Variants in HSD17B13 observed in about 807,000 individuals in gnomAD.
HSD17B13 encodes the protein 17-beta-hydroxysteroid dehydrogenase 13.
A neutral mutation model predicts 31.1 loss-of-function variants in HSD17B13; 26 were observed. The ratio of observed to expected loss-of-function variants is 0.84; its 90% confidence interval spans 0.61 to 1.16. The LOEUF is 1.16. Ranked by LOEUF, HSD17B13 falls within the 50% of genes most tolerant of loss-of-function variation. The pLI is 0.00. For synonymous variants in HSD17B13, 141 were observed against 133.7 expected (o/e 1.05, Z -0.38); for missense variants, 374 against 366.5 (o/e 1.02, Z -0.17).
chr4:87,308,948 T>A (rs10433937), intron 6 of HSD17B13, among the ~76,000 whole-genome samples: 1 of 101,732 alleles, frequency 9.8e-6, no homozygotes, highest in Non-Finnish European at 2.1e-5. Flanking sequence ...AAAAAAAGCT[T>A]ATCGAGTTTA....
In HSD17B13 at chr4:87,303,923, G is replaced by T. The variant is rs1734323211; in HGVS notation, c.*1295C>A. 1.3e-5 allele frequency: 2 copies of T among 151,930 alleles called. No individual in the cohort carries two copies. Among genetic ancestry groups the T allele is most frequent in the South Asian group, 4.2e-4 (2 of 4,812 alleles). 9.4% of individuals were successfully genotyped at this position (151,930 alleles called of 1,614,324 possible). On this transcript the variant is annotated 3_prime_UTR_variant, in exon 7 of 7. Transcript: ENST00000328546. ...CATTTGTTTTTAATAAAAACAAGAG[G>T]ATAGTCCATGCAAAAGCATTCTATA...
chr4:87,314,688 A>T (rs971402051), intron 4 of HSD17B13, among the ~76,000 whole-genome samples: 3 of 151,526 alleles, frequency 2.0e-5, no homozygotes, highest in African/African-American at 7.3e-5. Context: ...GCACAAGCAC[A>T]CTGTAAAATG....
chr4:87,311,284 A>C (rs1734525210), intron 5 of HSD17B13, among the ~76,000 whole-genome samples: 1 of 152,190 alleles, frequency 6.6e-6, no homozygotes, highest in African/African-American at 2.4e-5. Context: ...GGAGCAGCTC[A>C]AGCCATTCTT....
intron 5 of HSD17B13, among the ~76,000 whole-genome samples, chr4:87,312,610 A>C (rs1375216277): frequency 7.4e-5 from 10 of 134,278 alleles, no homozygotes; most frequent in African/African-American, 2.9e-5. Flanking sequence ...GCTCACTGCA[A>C]GCTCCGCCTC....
chr4:87,311,717 G>C (rs1734533218), intron 5 of HSD17B13, among the ~76,000 whole-genome samples: 1 of 152,148 alleles, frequency 6.6e-6, no homozygotes, highest in South Asian at 2.1e-4. Flanking sequence ...GTAAAGGCTG[G>C]GTGAGGAGTT....
intron 2 of HSD17B13, among the ~76,000 whole-genome samples, chr4:87,317,563 CTTTTTTTTTTT>C (rs869241617): frequency 2.8e-4 from 14 of 49,714 alleles, no homozygotes; most frequent in Non-Finnish European, 4.5e-4. Context: ...TTTCTTTAAA[CTTTTTTTTTTT>C]TTTTTTTTTT....
At chr4:87,318,094 C>T (rs1189352470) in intron 2 of HSD17B13, among the ~76,000 whole-genome samples, 1 of 152,134 alleles carries the variant, frequency 6.6e-6, no homozygotes, top group East Asian at 1.9e-4. Context: ...TGTGCCACTG[C>T]TCACACTTCT....
chr4:87,318,613 C>T (rs2110103857), intron 1 of HSD17B13, among the ~76,000 whole-genome samples, 177 bp from the exon 2 acceptor site: 1 of 148,996 alleles, frequency 6.7e-6, no homozygotes, highest in Middle Eastern at 3.7e-3. Context: ...GCCTGGCCAA[C>T]ATGGTGAAAC....
At chr4:87,313,001 G>A (rs1354202817) in intron 5 of HSD17B13, among the ~76,000 whole-genome samples, 2 of 151,748 alleles carry the variant, frequency 1.3e-5, no homozygotes, top group African/African-American at 4.8e-5. Context: ...CGGAGGTTGC[G>A]GTGAGCTGAG....
chr4:87,317,306 T>A, intron 2 of HSD17B13, 83 bp from the exon 3 acceptor site: 1 of 1,362,062 alleles, frequency 7.3e-7, no homozygotes, highest in East Asian at 2.4e-5. Flanking sequence ...AAGATGAGAG[T>A]CTTTCTTCTA....
intron 1 of HSD17B13, among the ~76,000 whole-genome samples, chr4:87,320,928 A>C (rs1251875159): frequency 2.6e-5 from 4 of 152,254 alleles, no homozygotes; most frequent in Non-Finnish European, 4.4e-5. Flanking sequence ...TCTGAGTTAC[A>C]TTACAGCCTT....
intron 6 of HSD17B13, among the ~76,000 whole-genome samples, chr4:87,307,986 G>C (rs1407576708): frequency 6.6e-6 from 1 of 152,124 alleles, no homozygotes; most frequent in African/African-American, 2.4e-5. Context: ...AAGGCCCAAG[G>C]CTTATGAAGT....
Position 87,322,731 on chromosome 4 carries a change from C to T in HSD17B13, c.111G>A (p.Glu37=), listed in dbSNP as rs755843877. 2 of 1,614,120 alleles carry T rather than the reference C, an allele frequency of 1.2e-6. No homozygotes were observed. The highest frequency in any genetic ancestry group is 2.2e-5 in the South Asian group (2 of 91,072). The change falls in exon 1 of 7, where the codon GAG becomes GAA. Residue 37 remains glutamate, a synonymous_variant. Coordinates refer to ENST00000328546, the MANE Select transcript of HSD17B13 (RefSeq NM_178135.5). ...GCCCAGCTCCAGTAATGAGAACAAT[C>T]TCCCCAGCCACAGATTTTCTCCTCT... is the stretch of plus-strand genomic sequence containing the variant. ...IPQRRKSVAG[E]IVLITGAGHG...
At chr4:87,315,037 G>A (rs1007763889) in intron 4 of HSD17B13, among the ~76,000 whole-genome samples, 8 of 152,164 alleles carry the variant, frequency 5.3e-5, no homozygotes, top group Non-Finnish European at 1.0e-4. Context: ...CAGGAGAACA[G>A]GGTCTGGAGG....
In HSD17B13 at chr4:87,315,547, A is replaced by G. The variant is rs149706831; in HGVS notation, c.503T>C (p.Val168Ala). ...GTGGCCGCACACTGAAGCCACTGTG[A>G]CGATGTGGCCATGATTTCTCTCCAT... ...SMMERNHGHI[V>A]TVASVCGHEG... The change falls in exon 4 of 7, where the codon GTC becomes GCC. Residue 168 changes from valine to alanine, a missense_variant. Physicochemically the swap from Val to Ala is moderately conservative, Grantham distance 64 (BLOSUM62 0). Coordinates refer to ENST00000328546, the MANE Select transcript of HSD17B13 (RefSeq NM_178135.5). The G allele has an allele frequency of 4.1e-5, 66 of 1,612,112 alleles. No individual in the cohort carries two copies. The highest frequency in any genetic ancestry group is 5.2e-5 in the Non-Finnish European group (61 of 1,178,466).
At chr4:87,320,548 G>T (rs994373281) in intron 1 of HSD17B13, among the ~76,000 whole-genome samples, 1 of 151,864 alleles carries the variant, frequency 6.6e-6, no homozygotes, top group African/African-American at 2.4e-5. Context: ...CACTACGCCT[G>T]GCTAATTTTT....
rs72613567 is a variant in HSD17B13 at position 87,310,240 on chromosome 4, T to TA, written c.812+2dup. On this transcript the variant is annotated splice_region_variant and intron_variant, in intron 6 of 6. Transcript: ENST00000328546. The stretch of plus-strand genomic sequence containing the variant: ...GTATTTGGGTGTTCTGTGCTGTACT[T>TA]ACTTCTGTAGTCTCAGAAAGATATT... 0.25 allele frequency: 389,963 copies of TA among 1,559,610 alleles called. 52,195 individuals carry two copies. Among genetic ancestry groups the TA allele is most frequent in the East Asian group, 0.33 (13,745 of 41,862 alleles).
In HSD17B13 at chr4:87,322,836, G is replaced by A. The variant is rs1734821481; in HGVS notation, c.6C>T (p.Asn2=). 1 of 1,613,754 alleles carries A rather than the reference G, an allele frequency of 6.2e-7. No individual in the cohort carries two copies. The highest frequency in any genetic ancestry group is 1.1e-5 in the South Asian group (1 of 91,054). M[N]IILEILLLLI... ...GAAGCAGAAGGATTTCTAGGATGAT[G>A]TTCATGGCTTTGCTCTGTCCTCTTC... Residue 2 remains asparagine, a synonymous_variant, in exon 1 of 7, where the codon AAC becomes AAT. Transcript: ENST00000328546.
chr4:87,304,388 T>C lies in HSD17B13; in HGVS notation c.*830A>G, dbSNP rs1734340476. ...TCCTTTTCTTCTCTTGGGTCCATTG[T>C]TTCTTATGTAATAGCCAGTACAGTT... On this transcript the variant is annotated 3_prime_UTR_variant, in exon 7 of 7. Coordinates refer to ENST00000328546, the MANE Select transcript of HSD17B13 (RefSeq NM_178135.5). 1 of 152,762 alleles carries C rather than the reference T, an allele frequency of 6.5e-6. No homozygotes were observed. The highest frequency in any genetic ancestry group is 2.4e-5 in the African/African-American group (1 of 41,450). The allele number at this position is 152,762 out of a possible 1,614,324, so 9.5% of individuals were successfully genotyped here.
Sources: gnomAD v4.1 joint callset for allele counts (sites outside exome capture counted in the v4.1 genomes callset) on GRCh38, gnomAD v4.1.1 for gene constraint, MANE v1.5 for transcripts, NCBI Gene and HGNC (gene_info 2026-07-23, HGNC 2026-07-21) for gene names.